Variants in GALNT14 observed in about 807,000 individuals in gnomAD.
GALNT14 encodes UDP-GalNAc:polypeptide N-acetylgalactosaminyltransferase 14.
GALNT14 carries 60 observed loss-of-function variants against 77.5 expected under a neutral mutation model. The observed-to-expected ratio is 0.77, with a 90% CI of 0.63 to 0.96. The LOEUF is 0.96. Among genes scored for constraint, GALNT14 ranks in the 40% least tolerant of loss-of-function variants. The pLI is 0.00. For missense variants in GALNT14, 710 were observed against 731.0 expected (o/e 0.97, Z 0.33); for synonymous variants, 280 against 281.7 (o/e 0.99, Z 0.06).
intron 1 of GALNT14, among the ~76,000 whole-genome samples, chr2:31,063,413 G>A (rs542258124): frequency 2.6e-5 from 4 of 152,168 alleles, no homozygotes; most frequent in Admixed American, 2.6e-4. Context: ...TGTTCCATTG[G>A]TCTATATATT....
intron 1 of GALNT14, among the ~76,000 whole-genome samples, chr2:31,079,779 G>A (rs769925805): frequency 1.3e-5 from 2 of 152,130 alleles, no homozygotes; most frequent in African/African-American, 2.4e-5. Context: ...AGTCATGTAC[G>A]GTCCTACAAC....
chr2:30,944,534 C>G (rs543286991), intron 8 of GALNT14, among the ~76,000 whole-genome samples: 2 of 152,282 alleles, frequency 1.3e-5, no homozygotes, highest in African/African-American at 2.4e-5. Flanking sequence ...CCCTAAGGGA[C>G]CATCTTTCCC....
chr2:30,953,926 C>G (rs1405525044), intron 6 of GALNT14, among the ~76,000 whole-genome samples: 2 of 152,202 alleles, frequency 1.3e-5, no homozygotes, highest in Non-Finnish European at 2.9e-5. Flanking sequence ...AGCACCTACT[C>G]TATGACAGGC....
chr2:31,124,352 A>C (rs895986940), intron 1 of GALNT14, among the ~76,000 whole-genome samples: 1 of 152,196 alleles, frequency 6.6e-6, no homozygotes, highest in African/African-American at 2.4e-5. Context: ...CAAAGTGGAA[A>C]GTGAGGCTGA....
chr2:30,995,191 T>C (rs1391311162), intron 1 of GALNT14, among the ~76,000 whole-genome samples: 1 of 150,822 alleles, frequency 6.6e-6, no homozygotes, highest in East Asian at 1.9e-4. Context: ...TGTGCATATG[T>C]ATACAGCCAC....
chr2:30,989,577 T>TATATATATATATATATATATATAC (rs1407487990), intron 2 of GALNT14, among the ~76,000 whole-genome samples: 1 of 128,040 alleles, frequency 7.8e-6, no homozygotes, highest in African/African-American at 3.4e-5. Flanking sequence ...TATATATATA[T>TATATATATATATATATATATATAC]ATATAAAAAT....
chr2:31,040,383 C>G (rs1378453292), intron 1 of GALNT14, among the ~76,000 whole-genome samples: 1 of 152,142 alleles, frequency 6.6e-6, no homozygotes, highest in Non-Finnish European at 1.5e-5. Context: ...AAAAGACAGC[C>G]TCATCCAGCC....
chr2:31,114,266 A>C (rs980045249), intron 1 of GALNT14, among the ~76,000 whole-genome samples: 1 of 151,948 alleles, frequency 6.6e-6, no homozygotes, highest in Non-Finnish European at 1.5e-5. Context: ...CCTAAGCTGC[A>C]ACAAGTGGGA....
intron 1 of GALNT14, among the ~76,000 whole-genome samples, chr2:31,038,948 G>T (rs1416061624): frequency 6.6e-6 from 1 of 152,056 alleles, no homozygotes; most frequent in Non-Finnish European, 1.5e-5. Flanking sequence ...GTTTCGCCAT[G>T]TTGGCCAGGC....
intron 6 of GALNT14, among the ~76,000 whole-genome samples, chr2:30,955,397 C>G (rs1667300682): frequency 6.6e-6 from 1 of 152,262 alleles, no homozygotes; most frequent in African/African-American, 2.4e-5. Context: ...GGTGACAGTC[C>G]CAGTCACAAC....
chr2:30,934,124 AG>A (rs1250080189), intron 9 of GALNT14, among the ~76,000 whole-genome samples: 2 of 152,176 alleles, frequency 1.3e-5, no homozygotes, highest in Non-Finnish European at 2.9e-5. Flanking sequence ...CACTGTACAG[AG>A]GGAGTTGGCA....
chr2:30,971,503 A>G (rs112497037), intron 2 of GALNT14, among the ~76,000 whole-genome samples: 3,986 of 152,112 alleles, frequency 0.026, 139 homozygotes, highest in East Asian at 0.21. Context: ...ATGCTTTTCT[A>G]AGCTGATCGC....
the GALNT14 span, among the ~76,000 whole-genome samples, chr2:30,898,098 C>T: frequency 0.013 from 1,960 of 152,198 alleles, 36 homozygotes; most frequent in African/African-American, 0.044. Context: ...GAGGGTGGAG[C>T]CCCTGTGAGT....
At chr2:31,134,328 G>C (rs1679126462) in intron 1 of GALNT14, among the ~76,000 whole-genome samples, 1 of 152,180 alleles carries the variant, frequency 6.6e-6, no homozygotes, top group Non-Finnish European at 1.5e-5. Flanking sequence ...ACCCATGCTG[G>C]GAAGATGCCT....
Position 30,924,120 on chromosome 2 carries a change from T to C in GALNT14, c.1379A>G (p.Gln460Arg), listed in dbSNP as rs759227945. 6 of 1,614,248 alleles carry C rather than the reference T, an allele frequency of 3.7e-6. No individual in the cohort carries two copies. The highest frequency in any genetic ancestry group is 5.1e-6 in the Non-Finnish European group (6 of 1,180,040). ...TGTATGCCCAGCCAGTTACTTTACC[T>C]GGGACTTTGCATCTTCGCCTTTGAC... The part of the protein sequence containing the change: ...AKVKGEDAKS[Q>R]VWAFTYTQQI... The change falls in exon 13 of 15, where the codon CAG becomes CGG. Residue 460 changes from glutamine to arginine, a missense_variant and splice_region_variant. Physicochemically the swap from Gln to Arg is conservative, Grantham distance 43. Coordinates refer to ENST00000349752, the MANE Select transcript of GALNT14 (RefSeq NM_024572.4).
At chr2:30,938,886 T>G (rs1230020716) in intron 9 of GALNT14, among the ~76,000 whole-genome samples, 1 of 152,256 alleles carries the variant, frequency 6.6e-6, no homozygotes, top group African/African-American at 2.4e-5. Context: ...ACAGAAATTC[T>G]ATTACTTAGA....
chr2:31,076,770 G>C (rs1191246048), intron 1 of GALNT14, among the ~76,000 whole-genome samples: 1 of 151,978 alleles, frequency 6.6e-6, no homozygotes, highest in Non-Finnish European at 1.5e-5. Context: ...GGAATGATAT[G>C]ATTTGTCACC....
the GALNT14 span, among the ~76,000 whole-genome samples, chr2:30,887,706 A>G: frequency 1.3e-5 from 2 of 152,180 alleles, no homozygotes; most frequent in African/African-American, 4.8e-5. Flanking sequence ...TAAGTTTTAC[A>G]TTTGATGAAG....
At chr2:31,136,234 C>A (rs1169702405) in intron 1 of GALNT14, among the ~76,000 whole-genome samples, 5 of 152,136 alleles carry the variant, frequency 3.3e-5, no homozygotes, top group Non-Finnish European at 7.4e-5. Context: ...CAAGATTCTA[C>A]CCCACCCAGC....
Sources: gnomAD v4.1 joint callset for allele counts (sites outside exome capture counted in the v4.1 genomes callset) on GRCh38, gnomAD v4.1.1 for gene constraint, MANE v1.5 for transcripts, NCBI Gene and HGNC (gene_info 2026-07-23, HGNC 2026-07-21) for gene names.